The following FARS2 variants were observed in gnomAD, a reference collection of about 807,000 sequenced individuals.
FARS2 encodes the protein phenylalanyl-tRNA synthetase 2, mitochondrial, also known as phenylalanine--tRNA ligase, mitochondrial.
Under a neutral mutation model 46.4 loss-of-function variants are expected in FARS2, and 40 were observed. That is an observed-to-expected ratio of 0.86 (90% CI 0.67 to 1.12). FARS2 has a LOEUF of 1.12. Ranked by LOEUF, FARS2 falls within the 50% of genes most tolerant of loss-of-function variation. The probability of loss-of-function intolerance (pLI) is 0.00; values close to 1 mark genes in which losing one functional copy is unlikely to be tolerated. For synonymous variants in FARS2, 234 were observed against 214.9 expected (o/e 1.09, Z -0.78); for missense variants, 513 against 567.9 (o/e 0.90, Z 0.98).
At chr6:5,491,162 A>G (rs1440645336) in intron 4 of FARS2, among the ~76,000 whole-genome samples, 2 of 151,840 alleles carry the variant, frequency 1.3e-5, no homozygotes, top group African/African-American at 2.4e-5. Context: ...TTTGTTTTGC[A>G]TTTCTCTGTT....
chr6:5,315,246 G>A (rs186312155), intron 1 of FARS2, among the ~76,000 whole-genome samples: 48 of 152,292 alleles, frequency 3.2e-4, no homozygotes, highest in South Asian at 8.3e-4. Flanking sequence ...GTTAAGACCC[G>A]TTTGCCCCAC....
chr6:5,434,865 A>G (rs1763432402), intron 4 of FARS2, among the ~76,000 whole-genome samples: 1 of 152,148 alleles, frequency 6.6e-6, no homozygotes, highest in Non-Finnish European at 1.5e-5. Context: ...ACTCCCCTTT[A>G]AGGTTCTTAT....
At chr6:5,303,791 C>G (rs932998338) in intron 1 of FARS2, among the ~76,000 whole-genome samples, 3 of 152,066 alleles carry the variant, frequency 2.0e-5, no homozygotes, top group Non-Finnish European at 4.4e-5. Context: ...AAATGGATAA[C>G]TAAGCTGACA....
intron 6 of FARS2, among the ~76,000 whole-genome samples, chr6:5,714,091 CGT>C (rs1197566295): frequency 6.6e-6 from 1 of 152,104 alleles, no homozygotes; most frequent in African/African-American, 2.4e-5. Context: ...TGTGAGTGCG[CGT>C]GTGTCGAGCT....
chr6:5,572,809 C>T (rs895478401), intron 5 of FARS2, among the ~76,000 whole-genome samples: 3 of 152,150 alleles, frequency 2.0e-5, no homozygotes, highest in African/African-American at 7.2e-5. Flanking sequence ...AGTGATTCTT[C>T]TGTGCCTTAA....
intron 2 of FARS2, 55 bp downstream of exon 2, chr6:5,369,237 AG>A: frequency 6.4e-7 from 1 of 1,550,432 alleles, no homozygotes; most frequent in Non-Finnish European, 8.7e-7. Flanking sequence ...TTTTATGTTG[AG>A]GTCACTAACA....
intron 4 of FARS2, among the ~76,000 whole-genome samples, chr6:5,438,796 A>C (rs1265309140): frequency 6.6e-6 from 1 of 152,224 alleles, no homozygotes. Context: ...CTTAATGGGC[A>C]TCATGTCCAT....
chr6:5,754,812 T>G (rs1288948525), intron 6 of FARS2, among the ~76,000 whole-genome samples: 1 of 152,224 alleles, frequency 6.6e-6, no homozygotes, highest in African/African-American at 2.4e-5. Context: ...TCTTCTCTAG[T>G]TATTTCCAAG....
intron 4 of FARS2, among the ~76,000 whole-genome samples, chr6:5,518,575 A>C (rs767306190): frequency 7.9e-5 from 12 of 152,150 alleles, no homozygotes; most frequent in Non-Finnish European, 1.6e-4. Flanking sequence ...ACTTTTAAGA[A>C]AGGACCAGAG....
intron 6 of FARS2, among the ~76,000 whole-genome samples, chr6:5,734,093 G>T (rs1196690164): frequency 6.6e-6 from 1 of 152,198 alleles, no homozygotes; most frequent in Non-Finnish European, 1.5e-5. Context: ...GAAACCTGCT[G>T]TGGACAATGC....
chr6:5,517,207 T>C (rs1220493478), intron 4 of FARS2, among the ~76,000 whole-genome samples: 3 of 152,154 alleles, frequency 2.0e-5, no homozygotes, highest in African/African-American at 7.2e-5. Flanking sequence ...AGGAAGAACA[T>C]CAAGCATTTT....
intron 2 of FARS2, chr6:5,371,089 T>C (rs1759032335): frequency 1.9e-6 from 1 of 534,516 alleles, no homozygotes; most frequent in Non-Finnish European, 2.4e-6. Context: ...ATTGCCTGTT[T>C]TTCTGTATTC....
chr6:5,682,126 A>C lies in FARS2; in HGVS notation c.1217+68806A>C, dbSNP rs144309544. Among the ~76,000 whole-genome samples, 1,015 of 152,342 alleles carry C rather than the reference A, an allele frequency of 6.7e-3. 5 individuals carry two copies. The highest frequency in any genetic ancestry group is 0.011 in the Non-Finnish European group (750 of 68,030). ...AATGCCCAAAGGAGGAGACTACAAA[A>C]AGCAAATTATAGTACATCACCTTGA... On this transcript the variant is annotated intron_variant, in intron 6 of 6. Transcript: ENST00000274680.
At chr6:5,296,514 AC>A (rs1474828768) in intron 1 of FARS2, among the ~76,000 whole-genome samples, 1 of 152,000 alleles carries the variant, frequency 6.6e-6, no homozygotes, top group Non-Finnish European at 1.5e-5. Flanking sequence ...CATCACCACT[AC>A]CCATCTCTAG....
intron 5 of FARS2, among the ~76,000 whole-genome samples, chr6:5,559,534 C>T (rs1200552512): frequency 1.3e-5 from 2 of 152,206 alleles, no homozygotes. Context: ...TTACCTTTCT[C>T]ATGTTCTTAT....
chr6:5,644,739 C>T (rs1375026451), intron 6 of FARS2, among the ~76,000 whole-genome samples: 3 of 152,188 alleles, frequency 2.0e-5, no homozygotes, highest in African/African-American at 4.8e-5. Flanking sequence ...TCATTGGCTG[C>T]TTACTTATTG....
At chr6:5,546,092 C>T (rs916434705) in intron 5 of FARS2, among the ~76,000 whole-genome samples, 15 of 152,032 alleles carry the variant, frequency 9.9e-5, no homozygotes, top group African/African-American at 3.6e-4. Flanking sequence ...CGTGCCATTG[C>T]ACTCCAGCCT....
At chr6:5,558,270 C>T (rs1158709401) in intron 5 of FARS2, among the ~76,000 whole-genome samples, 1 of 152,068 alleles carries the variant, frequency 6.6e-6, no homozygotes, top group Non-Finnish European at 1.5e-5. Context: ...ATGGGCACAC[C>T]TGAGATGTGA....
intron 1 of FARS2, among the ~76,000 whole-genome samples, chr6:5,350,235 T>A (rs992139830): frequency 6.7e-6 from 1 of 150,262 alleles, no homozygotes; most frequent in African/African-American, 2.5e-5. Context: ...CTCAAACTCC[T>A]GGTCTCAAGC....
Sources: allele counts gnomAD v4.1 joint callset (sites outside exome capture counted in the v4.1 genomes callset), GRCh38; gene constraint gnomAD v4.1.1; transcripts MANE v1.5; gene names NCBI Gene and HGNC (gene_info 2026-07-23, HGNC 2026-07-21).